The following KDM4C variants were observed in gnomAD, a reference collection of about 807,000 sequenced individuals.
KDM4C encodes lysine-specific demethylase 4C.
A neutral mutation model predicts 129.3 loss-of-function variants in KDM4C; 81 were observed. The observed-to-expected ratio is 0.63, with a 90% CI of 0.52 to 0.75. The LOEUF is 0.75. Among genes scored for constraint, KDM4C ranks in the 30% least tolerant of loss-of-function variants. The probability of loss-of-function intolerance (pLI) is 0.00; values close to 1 mark genes in which losing one functional copy is unlikely to be tolerated. For synonymous variants in KDM4C, 573 were observed against 456.1 expected, an observed-to-expected ratio of 1.26 and a Z score of -3.26; for missense variants, 1,457 against 1,304.0, an observed-to-expected ratio of 1.12 and a Z score of -1.81.
chr9:6,973,540 A>AT (rs959918078), intron 8 of KDM4C, among the ~76,000 whole-genome samples: 1 of 152,136 alleles, frequency 6.6e-6, no homozygotes, highest in South Asian at 2.1e-4. Flanking sequence ...TCAAGGTTTC[A>AT]TTTTTTCCAG....
At chr9:6,807,577 C>T (rs1379710916) in intron 3 of KDM4C, among the ~76,000 whole-genome samples, 1 of 150,354 alleles carries the variant, frequency 6.7e-6, no homozygotes. Flanking sequence ...GGCCGAGACC[C>T]CGTCTGGGAG....
At chr9:7,109,617 A>G (rs12340567) in intron 18 of KDM4C, among the ~76,000 whole-genome samples, 4,117 of 152,286 alleles carry the variant, frequency 0.027, 177 homozygotes, top group African/African-American at 0.093. Context: ...GCTAATTTAT[A>G]TCAGTGGGTA....
chr9:7,157,508 A>G (rs1008005966), intron 19 of KDM4C, among the ~76,000 whole-genome samples: 2 of 152,104 alleles, frequency 1.3e-5, no homozygotes, highest in Non-Finnish European at 2.9e-5. Flanking sequence ...GATAGCTCTT[A>G]TTATTTTGAG....
chr9:6,770,557 C>T (rs1424957805), intron 1 of KDM4C, among the ~76,000 whole-genome samples: 1 of 151,130 alleles, frequency 6.6e-6, no homozygotes, highest in Non-Finnish European at 1.5e-5. Context: ...TAATACATCA[C>T]ATTCATTTCC....
chr9:6,813,847 G>A (rs532984814), intron 3 of KDM4C, among the ~76,000 whole-genome samples: 89 of 152,222 alleles, frequency 5.8e-4, no homozygotes, highest in South Asian at 1.0e-3. Flanking sequence ...TATGTAACCT[G>A]ATTTATTCAC....
chr9:6,871,425 A>G (rs542455851), intron 5 of KDM4C, among the ~76,000 whole-genome samples: 40 of 152,310 alleles, frequency 2.6e-4, no homozygotes, highest in Middle Eastern at 3.4e-3. Context: ...CTTAAAAAAA[A>G]TTTATAAAAG....
At chr9:6,786,881 G>A (rs1825609626) in intron 1 of KDM4C, among the ~76,000 whole-genome samples, 1 of 152,154 alleles carries the variant, frequency 6.6e-6, no homozygotes, top group Non-Finnish European at 1.5e-5. Context: ...TCAAATAAAT[G>A]AAACTTAACC....
intron 8 of KDM4C, among the ~76,000 whole-genome samples, chr9:6,963,864 T>C (rs1292952120): frequency 6.6e-6 from 1 of 152,244 alleles, no homozygotes; most frequent in Non-Finnish European, 1.5e-5. Context: ...ATTTCATTTT[T>C]AATCCTTCTG....
intron 8 of KDM4C, 59 bp from the exon 9 acceptor site, chr9:6,980,866 T>A (rs1816649620): frequency 1.4e-6 from 2 of 1,450,102 alleles, no homozygotes; most frequent in Non-Finnish European, 1.9e-6. Flanking sequence ...AAGGACCAAC[T>A]CTGTGTTACT....
rs564033636 is a variant in KDM4C, at chr9:6,847,515, C to T, written c.436-1992C>T. Among the ~76,000 whole-genome samples, 6 of 152,184 alleles carry T rather than the reference C, an allele frequency of 3.9e-5. No homozygotes were observed. In the South Asian group the frequency reaches 6.2e-4, roughly 16 times the overall value. On this transcript the variant is annotated intron_variant, in intron 4 of 21. Transcript: ENST00000381309. ...GGGCCGTTCTCCTGCCTCAGCCTCC[C>T]GAGTGGCTGGGACTACAGACGCCCG...
chr9:6,870,516 C>T (rs548841542), intron 5 of KDM4C, among the ~76,000 whole-genome samples: 1 of 152,148 alleles, frequency 6.6e-6, no homozygotes, highest in African/African-American at 2.4e-5. Flanking sequence ...TGTATTATAA[C>T]ATCTTAGCAT....
At chr9:7,095,653 A>G (rs943630510) in intron 17 of KDM4C, among the ~76,000 whole-genome samples, 5 of 152,190 alleles carry the variant, frequency 3.3e-5, no homozygotes, top group African/African-American at 9.7e-5. Context: ...ATAGTTTCCA[A>G]CATTAATTCA....
At chr9:6,965,320 G>A (rs981408475) in intron 8 of KDM4C, among the ~76,000 whole-genome samples, 6 of 151,172 alleles carry the variant, frequency 4.0e-5, no homozygotes, top group Admixed American at 2.6e-4. Flanking sequence ...GATATATTAG[G>A]TATATTTATG....
Position 7,036,937 on chromosome 9 carries a change from G to C in KDM4C, c.2260-9925G>C, listed in dbSNP as rs1366462801. Among the ~76,000 whole-genome samples, 5 of 152,296 alleles carry C rather than the reference G, an allele frequency of 3.3e-5. No individual in the cohort carries two copies. In the East Asian group the frequency reaches 9.7e-4, roughly 29 times the overall value. On this transcript the variant is annotated intron_variant, in intron 15 of 21. Transcript: ENST00000381309. ...ACAGAATTCATTACAGGTGAATTTT[G>C]GATTTGCAAATTTGTGGAATTTCCA...
intron 17 of KDM4C, among the ~76,000 whole-genome samples, chr9:7,059,736 T>C (rs2381544): frequency 0.8 from 121,838 of 152,194 alleles, 49,273 homozygotes; most frequent in African/African-American, 0.91. Flanking sequence ...TTTATTAAAC[T>C]GGGCAGAGAT....
intron 1 of KDM4C, among the ~76,000 whole-genome samples, chr9:6,769,676 A>G (rs575462483): frequency 1.9e-4 from 29 of 152,326 alleles, no homozygotes; most frequent in Admixed American, 5.2e-4. Flanking sequence ...AGAGTTGTCA[A>G]TGAGGATAGA....
At chr9:6,980,423 C>T (rs1288371530) in intron 8 of KDM4C, among the ~76,000 whole-genome samples, 8 of 152,188 alleles carry the variant, frequency 5.3e-5, no homozygotes, top group Non-Finnish European at 1.0e-4. Context: ...TCATTTGCTC[C>T]TAATTTTGGG....
intron 15 of KDM4C, among the ~76,000 whole-genome samples, chr9:7,032,776 G>GTTGATC (rs1826993065): frequency 4.6e-5 from 7 of 151,942 alleles, no homozygotes; most frequent in Non-Finnish European, 1.0e-4. Flanking sequence ...AGAAGGCCAA[G>GTTGATC]CCACTGACCT....
chr9:7,115,917 G>A (rs552834532), intron 18 of KDM4C, among the ~76,000 whole-genome samples: 9 of 152,290 alleles, frequency 5.9e-5, no homozygotes, highest in African/African-American at 2.2e-4. Flanking sequence ...CAGGGAAAAT[G>A]GGTAGTTTCT....
Sources: allele counts gnomAD v4.1 joint callset (sites outside exome capture counted in the v4.1 genomes callset), GRCh38; gene constraint gnomAD v4.1.1; transcripts MANE v1.5; gene names NCBI Gene and HGNC (gene_info 2026-07-23, HGNC 2026-07-21).